Variants in KTN1 observed in about 807,000 individuals in gnomAD.
The protein encoded by KTN1 is kinectin.
A neutral mutation model predicts 222.5 loss-of-function variants in KTN1; 130 were observed. The observed-to-expected ratio is 0.58, with a 90% CI of 0.51 to 0.68. The LOEUF is 0.68. KTN1 is among the 30% of genes least tolerant of loss of function. KTN1 has a pLI of 0.00. For synonymous variants in KTN1, 512 were observed against 496.3 expected (o/e 1.03, Z -0.42); for missense variants, 1,508 against 1,500.4 (o/e 1.01, Z -0.08).
At position 55,641,399 on chromosome 14, in the gene KTN1, G is replaced by A. The variant is rs79807559; in HGVS notation, c.2103+191G>A. On this transcript the variant is annotated intron_variant, in intron 17 of 43. Coordinates refer to ENST00000395314, the MANE Select transcript of KTN1 (RefSeq NM_001079521.2). ...CCCTAGATTATCTGTTCTTTTAGTG[G>A]AGCTTGGAGATTTATTTTTGGCCCC... 0.06 allele frequency among the ~76,000 whole-genome samples: 9,071 copies of A among 152,092 alleles called. 368 individuals carry two copies. The highest frequency in any genetic ancestry group is 0.09 in the South Asian group (433 of 4,820).
intron 1 of KTN1, among the ~76,000 whole-genome samples, chr14:55,586,833 T>C (rs1185782421): frequency 1.3e-5 from 2 of 152,188 alleles, no homozygotes; most frequent in Non-Finnish European, 2.9e-5. Flanking sequence ...GTAGATAGAA[T>C]GTCGTCCTTT....
chr14:55,583,218 C>T (rs377231128), intron 1 of KTN1, among the ~76,000 whole-genome samples: 36 of 152,136 alleles, frequency 2.4e-4, no homozygotes, highest in African/African-American at 7.2e-4. Flanking sequence ...AACTGTGTGC[C>T]GAGCTGTTGT....
intron 1 of KTN1, among the ~76,000 whole-genome samples, chr14:55,582,274 A>G (rs967968146): frequency 6.6e-6 from 1 of 151,960 alleles, no homozygotes; most frequent in Non-Finnish European, 1.5e-5. Context: ...CTTCTGTTTG[A>G]TGTTGTGTTT....
In KTN1 at chr14:55,627,922, G is replaced by A. The variant is rs538806788; in HGVS notation, c.974G>A (p.Gly325Glu). ...CTTTCTCAATTGCAGTCAAGTAAGG[G>A]AGAATTGACTACGCTTATACATCAG... ...IQDALKKSSK[G>E]ELTTLIHQLQ... Residue 325 changes from glycine (G) to glutamate (E), a missense_variant, in exon 6 of 44, where the codon GGA becomes GAA. Coordinates refer to ENST00000395314, the MANE Select transcript of KTN1 (RefSeq NM_001079521.2). 6.3e-7 allele frequency: 1 copy of A among 1,599,494 alleles called. No homozygotes were observed. The highest frequency in any genetic ancestry group is 8.6e-7 in the Non-Finnish European group (1 of 1,167,146).
Position 55,678,353 on chromosome 14 carries a change from C to T in KTN1, c.3857C>T (p.Ala1286Val). The change falls in exon 42 of 44, where the codon GCT (alanine) becomes GTT (valine). Residue 1286 changes from alanine to valine, a missense_variant and splice_region_variant. Coordinates refer to ENST00000395314, the MANE Select transcript of KTN1 (RefSeq NM_001079521.2). ...GCTACCATATTGTTTTCCTTATAGG[C>T]TCAACAGTCACTGGAGCTTATCCAG... ...RQKVAGDLHK[A>V]QQSLELIQSK... The T allele has an allele frequency of 1.9e-6, 3 of 1,592,450 alleles. No individual in the cohort carries two copies. The highest frequency in any genetic ancestry group is 2.6e-6 in the Non-Finnish European group (3 of 1,160,484).
chr14:55,672,540 A>C (rs537926654), intron 37 of KTN1, 90 bp from the exon 38 acceptor site: 259 of 738,766 alleles, frequency 3.5e-4, no homozygotes, highest in Non-Finnish European at 5.6e-4. Context: ...AAACCTTGGA[A>C]GTGTCTTTTA....
rs778787504 is a variant in KTN1 at position 55,679,681 on chromosome 14, G to A, written c.4065G>A (p.Val1355=). 1.9e-6 allele frequency: 3 copies of A among 1,613,628 alleles called. No individual in the cohort carries two copies. The highest frequency in any genetic ancestry group is 2.7e-5 in the African/African-American group (2 of 74,884). Residue 1355 remains valine (V), a synonymous_variant, in exon 43 of 44, where the codon GTG becomes GTA. Coordinates refer to ENST00000395314, the MANE Select transcript of KTN1 (RefSeq NM_001079521.2). The part of the protein sequence containing the change: ...QLTKEKEHYQ[V]LE ...CAAAGGAGAAAGAGCACTACCAGGTGTTAGGTAAGGACAACTGAAATATTG... is the reference window on the plus strand; with the variant it reads ...CAAAGGAGAAAGAGCACTACCAGGTATTAGGTAAGGACAACTGAAATATTG...
chr14:55,644,276 A>G (rs2042076300), intron 18 of KTN1: 1 of 573,552 alleles, frequency 1.7e-6, no homozygotes. Context: ...CAGAATTCCA[A>G]GTGACAGTTG....
At chr14:55,673,285 A>C in intron 40 of KTN1, 30 bp downstream of exon 40, 1 of 1,423,772 alleles carries the variant, frequency 7.0e-7, no homozygotes, top group Non-Finnish European at 9.9e-7. Context: ...CTGGGTATCA[A>C]GTAGGCACTG....
intron 22 of KTN1, 131 bp from the exon 23 acceptor site, chr14:55,650,197 G>A: frequency 1.5e-6 from 1 of 685,034 alleles, no homozygotes; most frequent in Non-Finnish European, 2.5e-6. Context: ...ATTCTACAAA[G>A]ACATGTTGCT....
At chr14:55,680,985 C>G (rs1190201050) in intron 43 of KTN1, 1 of 313,858 alleles carries the variant, frequency 3.2e-6, no homozygotes, top group Non-Finnish European at 6.3e-6. Context: ...CTGGCTCCCT[C>G]TGTTCAGTCT....
rs1266295380 is a variant in KTN1, at chr14:55,596,141, C to T, written c.-31+15787C>T. Among the ~76,000 whole-genome samples the T allele has an allele frequency of 9.9e-5, 7 of 70,878 alleles. 1 individual carries two copies. The East Asian group carries it at 3.2e-3, about 32-fold the overall frequency. The allele number at this position is 70,878 out of a possible 152,430, so 46.5% of individuals were successfully genotyped here. ...CTGCACTCCAGCATGGGCGACAGAG[C>T]AAGACTCAATAGCAAAAAAAAAAAA... On this transcript the variant is annotated intron_variant, in intron 1 of 43. Transcript: ENST00000395314.
chr14:55,605,669 A>G (rs2036623239), intron 1 of KTN1, among the ~76,000 whole-genome samples: 1 of 152,254 alleles, frequency 6.6e-6, no homozygotes, highest in Non-Finnish European at 1.5e-5. Flanking sequence ...CTAAAAGCCA[A>G]GACTCTTGCC....
intron 5 of KTN1, among the ~76,000 whole-genome samples, chr14:55,627,475 C>CT (rs1178318555): frequency 6.6e-6 from 1 of 151,624 alleles, no homozygotes; most frequent in Non-Finnish European, 1.5e-5. Context: ...TTTTCTTATA[C>CT]TTTAAGTTCT....
chr14:55,593,201 CCTT>C (rs1162837616), intron 1 of KTN1, among the ~76,000 whole-genome samples: 1 of 152,092 alleles, frequency 6.6e-6, no homozygotes, highest in Non-Finnish European at 1.5e-5. Context: ...ACCTCTATCT[CCTT>C]CTTTAACATG....
At chr14:55,635,040 A>G (rs1280244080) in intron 9 of KTN1, among the ~76,000 whole-genome samples, 1 of 152,094 alleles carries the variant, frequency 6.6e-6, no homozygotes, top group Non-Finnish European at 1.5e-5. Context: ...ACAATTCGAG[A>G]TGAGGTTTGG....
chr14:55,671,604 C>T lies in KTN1; in HGVS notation c.3387C>T (p.His1129=), dbSNP rs376004581. Residue 1129 remains histidine (H), a synonymous_variant, in exon 36 of 44, where the codon CAC becomes CAT. Coordinates refer to ENST00000395314, the MANE Select transcript of KTN1 (RefSeq NM_001079521.2). The stretch of plus-strand genomic sequence containing the variant: ...AGTTGAAAGAAGCTGATGAAATGCA[C>T]ACATTGTTACAGCTAGAGTGTGAAA... ...EHKLKEADEM[H]TLLQLECEKY... 1.6e-5 allele frequency: 25 copies of T among 1,612,696 alleles called. No individual in the cohort carries two copies. In the African/African-American group the frequency reaches 3.1e-4, roughly 20 times the overall value.
At chr14:55,633,855 C>T (rs547817484) in intron 8 of KTN1, among the ~76,000 whole-genome samples, 26 of 152,100 alleles carry the variant, frequency 1.7e-4, no homozygotes, top group African/African-American at 6.0e-4. Context: ...AAGACACTTT[C>T]GGGCCGGGTG....
At chr14:55,673,124 A>G in intron 39 of KTN1, 48 bp from the exon 40 acceptor site, 4 of 1,518,158 alleles carry the variant, frequency 2.6e-6, no homozygotes, top group African/African-American at 1.4e-5. Flanking sequence ...CATACAAAAC[A>G]TGGGCTATCA....
Sources: allele counts gnomAD v4.1 joint callset (sites outside exome capture counted in the v4.1 genomes callset), GRCh38; gene constraint gnomAD v4.1.1; transcripts MANE v1.5; gene names NCBI Gene and HGNC (gene_info 2026-07-23, HGNC 2026-07-21).